The following FCF1 variants were observed in gnomAD, a reference collection of about 807,000 sequenced individuals.
FCF1 encodes the protein rRNA-processing protein FCF1 homolog.
Under a neutral mutation model 32.5 loss-of-function variants are expected in FCF1, and 17 were observed. That is an observed-to-expected ratio of 0.52 (90% confidence interval 0.36 to 0.78). The LOEUF is 0.78. Among genes scored for constraint, FCF1 ranks in the 30% least tolerant of loss-of-function variants. FCF1 has a pLI of 0.00. For missense variants in FCF1, 201 were observed against 241.1 expected (o/e 0.83, Z 1.10); for synonymous variants, 84 against 78.4 (o/e 1.07, Z -0.38).
intron 5 of FCF1, among the ~76,000 whole-genome samples, chr14:74,724,138 G>A (rs148915412): frequency 6.6e-6 from 1 of 152,266 alleles, no homozygotes; most frequent in African/African-American, 2.4e-5. Flanking sequence ...TCATCACTTT[G>A]GAGGGCAACT....
At chr14:74,720,436 A>T (rs2090485490) in intron 4 of FCF1, among the ~76,000 whole-genome samples, 1 of 152,212 alleles carries the variant, frequency 6.6e-6, no homozygotes, top group Non-Finnish European at 1.5e-5. Context: ...GACATTTCAT[A>T]AAAATAGAAT....
chr14:74,714,079 T>C (rs1372880976), intron 2 of FCF1, among the ~76,000 whole-genome samples: 1 of 152,202 alleles, frequency 6.6e-6, no homozygotes, highest in Non-Finnish European at 1.5e-5. Flanking sequence ...TTCCCTAGTA[T>C]GAAGAGGATC....
chr14:74,734,519 TA>T lies in FCF1; in HGVS notation c.549-350del, dbSNP rs71303897. Among the ~76,000 whole-genome samples, 650 of 144,360 alleles carry T rather than the reference TA, an allele frequency of 4.5e-3. 1 individual carries two copies. The highest frequency in any genetic ancestry group is 8.5e-3 in the African/African-American group (338 of 39,602). 94.7% of individuals were successfully genotyped at this position (144,360 alleles called of 152,430 possible). A position where few individuals can be genotyped will look rare whatever the true frequency, so the allele number is the denominator to read the frequency against. ...TCATCTGAGAAATGGAAAGCTTATT[TA>T]AAAAAAAAAAAAGCTGTTATCCTTC... On this transcript the variant is annotated intron_variant, in intron 7 of 7. Coordinates refer to ENST00000341162, the MANE Select transcript of FCF1 (RefSeq NM_015962.5).
intron 5 of FCF1, among the ~76,000 whole-genome samples, chr14:74,730,988 A>AC (rs949222769): frequency 6.7e-6 from 1 of 150,112 alleles, no homozygotes; most frequent in Admixed American, 6.7e-5. Context: ...ACAGAATGAG[A>AC]CCCCATCTCC....
In FCF1 at chr14:74,713,483, A is replaced by G. The variant is rs201728233; in HGVS notation, c.4-2A>G. 5.6e-6 allele frequency: 9 copies of G among 1,612,772 alleles called. No individual in the cohort carries two copies. The highest frequency in any genetic ancestry group is 7.6e-6 in the Non-Finnish European group (9 of 1,179,768). ...TTTTAATTCTAAAATTTCTGTTTCA[A>G]GGGGAAGCAAAAGAAAACAAGGAAG... On this transcript the variant is annotated splice_acceptor_variant, in intron 1 of 7. Coordinates refer to ENST00000341162, the MANE Select transcript of FCF1 (RefSeq NM_015962.5). LOFTEE classifies it high-confidence loss of function.
chr14:74,724,012 C>T (rs1285438963), intron 5 of FCF1, among the ~76,000 whole-genome samples: 1 of 152,134 alleles, frequency 6.6e-6, no homozygotes, highest in African/African-American at 2.4e-5. Flanking sequence ...AGTGAGTTGT[C>T]ATTTAGTGCC....
intron 6 of FCF1, 29 bp from the exon 7 acceptor site, chr14:74,734,047 G>A (rs2090672975): frequency 6.7e-7 from 1 of 1,487,178 alleles, no homozygotes; most frequent in Non-Finnish European, 9.4e-7. Context: ...AGTGACCTCA[G>A]TGTGAACATC....
At chr14:74,719,539 T>G (rs1470920656) in intron 4 of FCF1, among the ~76,000 whole-genome samples, 6 of 151,832 alleles carry the variant, frequency 4.0e-5, no homozygotes, top group Admixed American at 2.0e-4. Context: ...GGTGGGTGGA[T>G]TGCTTGAGCC....
At position 74,732,724 on chromosome 14, in the gene FCF1, C is replaced by T. The variant is rs1212390848; in HGVS notation, c.366-7C>T. ...CTGATTGAATGTTTTCTTTAATCCACCTACAGGATTGCCAAGGATCCAAGA... is the reference window on the plus strand; with the variant it reads ...CTGATTGAATGTTTTCTTTAATCCATCTACAGGATTGCCAAGGATCCAAGA... On this transcript the variant is annotated splice_polypyrimidine_tract_variant and splice_region_variant and intron_variant, in intron 5 of 7. Coordinates refer to ENST00000341162, the MANE Select transcript of FCF1 (RefSeq NM_015962.5). The T allele has an allele frequency of 3.1e-6, 5 of 1,596,894 alleles. No individual in the cohort carries two copies. The Admixed American group carries it at 5.0e-5, about 16-fold the overall frequency.
chr14:74,729,025 T>C (rs1333232254), intron 5 of FCF1, among the ~76,000 whole-genome samples: 1 of 152,252 alleles, frequency 6.6e-6, no homozygotes, highest in African/African-American at 2.4e-5. Context: ...TGAGGATTTT[T>C]GCATCAGTGT....
chr14:74,725,935 C>CA (rs568348050), intron 5 of FCF1, among the ~76,000 whole-genome samples: 5,242 of 108,348 alleles, frequency 0.048, 346 homozygotes, highest in African/African-American at 0.16. Flanking sequence ...GACTCCATCT[C>CA]AAAAAAAAAA....
At chr14:74,730,425 TG>T (rs1449295065) in intron 5 of FCF1, among the ~76,000 whole-genome samples, 1 of 152,080 alleles carries the variant, frequency 6.6e-6, no homozygotes, top group African/African-American at 2.4e-5. Flanking sequence ...AAAATTTTTT[TG>T]GTAGAGACTG....
At chr14:74,728,228 A>G (rs1302706842) in intron 5 of FCF1, among the ~76,000 whole-genome samples, 1 of 152,170 alleles carries the variant, frequency 6.6e-6, no homozygotes, top group Non-Finnish European at 1.5e-5. Context: ...GATTCTTCCT[A>G]TCCATGAGCA....
chr14:74,718,686 G>A (rs542932781), intron 4 of FCF1, among the ~76,000 whole-genome samples: 1 of 151,834 alleles, frequency 6.6e-6, no homozygotes, highest in African/African-American at 2.4e-5. Context: ...TGGCCAGGTT[G>A]GTATCGAACT....
At chr14:74,717,361 A>AG (rs2090435187) in intron 4 of FCF1, among the ~76,000 whole-genome samples, 2 of 152,212 alleles carry the variant, frequency 1.3e-5, no homozygotes, top group South Asian at 4.2e-4. Context: ...AAAAAAAAAA[A>AG]GAATGGCTGC....
intron 2 of FCF1, 98 bp downstream of exon 2, chr14:74,713,650 A>G: frequency 1.9e-6 from 2 of 1,071,320 alleles, no homozygotes; most frequent in South Asian, 2.8e-5. Context: ...TTTTTTGCTT[A>G]TTATCGTGTC....
At chr14:74,729,590 G>A (rs1036364294) in intron 5 of FCF1, among the ~76,000 whole-genome samples, 2 of 152,020 alleles carry the variant, frequency 1.3e-5, no homozygotes, top group African/African-American at 4.8e-5. Context: ...GGTTTTTTGT[G>A]TCTCTATTTC....
chr14:74,728,969 A>G (rs985233180), intron 5 of FCF1, among the ~76,000 whole-genome samples: 6 of 152,092 alleles, frequency 3.9e-5, no homozygotes, highest in African/African-American at 1.4e-4. Context: ...ATCATGGTGG[A>G]TAAGCTTTTT....
chr14:74,717,367 G>C (rs1417247357), intron 4 of FCF1, among the ~76,000 whole-genome samples: 2 of 151,872 alleles, frequency 1.3e-5, no homozygotes, highest in Non-Finnish European at 2.9e-5. Context: ...AAAAAGAATG[G>C]CTGCATACAT....
Sources: allele counts gnomAD v4.1 joint callset (sites outside exome capture counted in the v4.1 genomes callset), GRCh38; gene constraint gnomAD v4.1.1; transcripts MANE v1.5; gene names NCBI Gene and HGNC (gene_info 2026-07-23, HGNC 2026-07-21).